Variants in DCLK1 observed in about 807,000 individuals in gnomAD.
DCLK1 encodes the protein serine/threonine-protein kinase DCLK1.
Under a neutral mutation model 86.2 loss-of-function variants are expected in DCLK1, and 16 were observed. The ratio of observed to expected loss-of-function variants is 0.19; its 90% confidence interval spans 0.13 to 0.28. The LOEUF is 0.28. Among genes scored for constraint, DCLK1 ranks in the 10% least tolerant of loss-of-function variants. DCLK1 has a pLI of 1.00. For missense variants in DCLK1, 590 were observed against 940.2 expected, an observed-to-expected ratio of 0.63 and a Z score of 4.87; for synonymous variants, 369 against 370.5, an observed-to-expected ratio of 1.00 and a Z score of 0.05.
At chr13:35,804,699 C>T (rs559071555) in intron 15 of DCLK1, among the ~76,000 whole-genome samples, 1 of 152,312 alleles carries the variant, frequency 6.6e-6, no homozygotes, top group East Asian at 1.9e-4. Flanking sequence ...TCCCAAAGTG[C>T]TGGGATTACA....
intron 4 of DCLK1, among the ~76,000 whole-genome samples, chr13:35,932,358 A>T (rs1360789970): frequency 2.0e-5 from 3 of 152,118 alleles, no homozygotes; most frequent in African/African-American, 7.2e-5. Flanking sequence ...AGGTTGTGGG[A>T]CTTCTCAGCC....
intron 3 of DCLK1, among the ~76,000 whole-genome samples, chr13:36,004,970 G>A (rs1049490821): frequency 1.3e-5 from 2 of 152,108 alleles, no homozygotes; most frequent in African/African-American, 4.8e-5. Context: ...CAACAATCTG[G>A]CTAAGTATTA....
At chr13:36,098,612 T>C (rs981506568) in intron 3 of DCLK1, among the ~76,000 whole-genome samples, 4 of 152,218 alleles carry the variant, frequency 2.6e-5, no homozygotes, top group Non-Finnish European at 5.9e-5. Flanking sequence ...ATCCTCAAAA[T>C]AGATCCACAT....
At chr13:35,966,081 T>A (rs1409272321) in intron 3 of DCLK1, among the ~76,000 whole-genome samples, 1 of 152,216 alleles carries the variant, frequency 6.6e-6, no homozygotes, top group African/African-American at 2.4e-5. Context: ...TGGAAATGGG[T>A]TGCCACCCAT....
chr13:35,989,400 T>A (rs747000122), intron 3 of DCLK1, among the ~76,000 whole-genome samples: 3 of 151,390 alleles, frequency 2.0e-5, no homozygotes, highest in Non-Finnish European at 4.4e-5. Context: ...GCCTCCTGAG[T>A]ATCTGGGATT....
Position 35,958,011 on chromosome 13 carries a change from TCACCATCACACACCACAACTACCACCAC to T in DCLK1, c.724-10582_724-10555del, listed in dbSNP as rs1593767349. 2.1e-4 allele frequency among the ~76,000 whole-genome samples: 11 copies of T among 52,668 alleles called. No individual in the cohort carries two copies. In the East Asian group the frequency reaches 2.1e-3, roughly 10 times the overall value. 34.6% of individuals were successfully genotyped at this position (52,668 alleles called of 152,430 possible). A position where few individuals can be genotyped will look rare whatever the true frequency, so the allele number is the denominator to read the frequency against. On this transcript the variant is annotated intron_variant, in intron 3 of 16. Coordinates refer to ENST00000360631, the MANE Select transcript of DCLK1 (RefSeq NM_001330071.2). ...ACCACCACCACCACCATTATCACCA[TCACCATCACACACCACAACTACCACCAC>T]CACCACCATCACCACTATAACCACT... is the stretch of plus-strand genomic sequence containing the variant.
intron 8 of DCLK1, among the ~76,000 whole-genome samples, chr13:35,829,683 T>G (rs1254291397): frequency 1.3e-5 from 2 of 152,172 alleles, no homozygotes; most frequent in African/African-American, 2.4e-5. Context: ...CAAAAAACAG[T>G]GAACACTGAA....
intron 3 of DCLK1, among the ~76,000 whole-genome samples, chr13:35,982,596 C>A (rs1441745355): frequency 6.6e-6 from 1 of 151,982 alleles, no homozygotes. Context: ...ATTAACAAAG[C>A]AAAACAAAAA....
chr13:35,788,147 G>C, intron 16 of DCLK1: 1 of 1,458,340 alleles, frequency 6.9e-7, no homozygotes, highest in Non-Finnish European at 9.6e-7. Context: ...CGAAGGAACT[G>C]GTTAATGGAG....
chr13:35,917,376 G>A (rs927284821), intron 4 of DCLK1, among the ~76,000 whole-genome samples: 3 of 152,078 alleles, frequency 2.0e-5, no homozygotes, highest in Non-Finnish European at 2.9e-5. Context: ...GGTTTTGTTC[G>A]GTTTTGTTTG....
intron 3 of DCLK1, among the ~76,000 whole-genome samples, chr13:35,948,055 C>T (rs1877479687): frequency 6.6e-6 from 1 of 152,188 alleles, no homozygotes; most frequent in African/African-American, 2.4e-5. Context: ...TCTAAAACTC[C>T]CAGGCCACCC....
intron 4 of DCLK1, among the ~76,000 whole-genome samples, chr13:35,918,901 T>TTTTTTTTTTTTTTTC: frequency 7.5e-6 from 1 of 134,208 alleles, no homozygotes; most frequent in East Asian, 2.1e-4. Flanking sequence ...TGTTTTTTTT[T>TTTTTTTTTTTTTTTC]TTTTTTTTGG....
At chr13:35,798,498 T>C (rs2153100534) in intron 15 of DCLK1, among the ~76,000 whole-genome samples, 3 of 152,316 alleles carry the variant, frequency 2.0e-5, no homozygotes, top group Admixed American at 2.0e-4. Context: ...GACTCTTCAA[T>C]AGCAGTTCCG....
intron 3 of DCLK1, among the ~76,000 whole-genome samples, chr13:35,952,110 T>C (rs1337338297): frequency 6.6e-6 from 1 of 152,194 alleles, no homozygotes; most frequent in African/African-American, 2.4e-5. Context: ...CTCAATAAAG[T>C]TTAGCTTTTT....
At chr13:36,131,373 GGGCGGCGGCGGC>G (rs965603869) in exon 1 of DCLK1, 1 of 194,988 alleles carries the variant, frequency 5.1e-6, no homozygotes, top group Non-Finnish European at 1.0e-5. Context: ...CTCCAGAGGA[GGGCGGCGGCGGC>G]GGCGGCGGCG....
chr13:36,069,757 C>T (rs1883896246), intron 3 of DCLK1, among the ~76,000 whole-genome samples: 2 of 152,162 alleles, frequency 1.3e-5, no homozygotes, highest in Non-Finnish European at 2.9e-5. Flanking sequence ...TTGGATGTCC[C>T]CCCATTACTC....
At chr13:36,068,892 T>A (rs917264520) in intron 3 of DCLK1, among the ~76,000 whole-genome samples, 1 of 152,184 alleles carries the variant, frequency 6.6e-6, no homozygotes, top group Non-Finnish European at 1.5e-5. Context: ...AAACTCCAGG[T>A]TACTGTGAAG....
At chr13:35,803,796 G>A (rs2086970445) in intron 15 of DCLK1, among the ~76,000 whole-genome samples, 2 of 152,182 alleles carry the variant, frequency 1.3e-5, no homozygotes, top group Non-Finnish European at 2.9e-5. Flanking sequence ...GGCCTTCAAT[G>A]TACAGCCAGA....
chr13:35,967,696 G>T (rs184242693), intron 3 of DCLK1, among the ~76,000 whole-genome samples: 6 of 152,040 alleles, frequency 3.9e-5, no homozygotes, highest in African/African-American at 1.2e-4. Context: ...TGCGGAAGGC[G>T]GCAGGGCCCT....
Sources: gnomAD v4.1 joint callset for allele counts (sites outside exome capture counted in the v4.1 genomes callset) on GRCh38, gnomAD v4.1.1 for gene constraint, MANE v1.5 for transcripts, NCBI Gene and HGNC (gene_info 2026-07-23, HGNC 2026-07-21) for gene names.